SLC35B1: variants seen among roughly 807,000 people sequenced by gnomAD.
SLC35B1 encodes the protein solute carrier family 35 member B1.
A neutral mutation model predicts 36.6 loss-of-function variants in SLC35B1; 27 were observed. That is an observed-to-expected ratio of 0.74 (90% confidence interval 0.54 to 1.02). The LOEUF (loss-of-function observed/expected upper bound fraction) is 1.02, where lower values mean the gene tolerates loss of function less well. Among genes scored for constraint, SLC35B1 ranks in the 50% least tolerant of loss-of-function variants. The pLI is 0.00. For synonymous variants in SLC35B1, 162 were observed against 152.5 expected, an observed-to-expected ratio of 1.06 and a Z score of -0.46; for missense variants, 321 against 383.2, an observed-to-expected ratio of 0.84 and a Z score of 1.35.
Position 49,702,996 on chromosome 17 carries a change from T to A in SLC35B1, c.778A>T (p.Thr260Ser), listed in dbSNP as rs764584367. 10 of 1,613,826 alleles carry A rather than the reference T, an allele frequency of 6.2e-6. No individual in the cohort carries two copies. In the Admixed American group the frequency reaches 1.7e-4, roughly 27 times the overall value. The change falls in exon 8 of 9, where the codon ACG becomes TCG. Residue 260 changes from threonine to serine, a missense_variant. Coordinates refer to ENST00000240333, the MANE Select transcript of SLC35B1 (RefSeq NM_005827.4). ...SALGQSFIFMTVVYFGPLTCS... is the reference protein window; with the variant it reads ...SALGQSFIFMSVVYFGPLTCS... ...GTCAGGGGACCAAAATACACAACCG[T>A]CATAAAGATGAAGCTCTAGAGAAAG...
chr17:49,702,433 T>A (rs1021976653), intron 8 of SLC35B1: 1 of 157,502 alleles, frequency 6.3e-6, no homozygotes, highest in Admixed American at 6.1e-5. Flanking sequence ...TTTTCTCTTT[T>A]AAAAAAGTTT....
intron 1 of SLC35B1, 114 bp downstream of exon 1, chr17:49,707,616 A>G (rs552203663): frequency 6.9e-7 from 1 of 1,454,750 alleles, no homozygotes; most frequent in African/African-American, 1.4e-5. Flanking sequence ...GGGTGCTAAG[A>G]GGGCGACAGC....
At chr17:49,707,430 G>C (rs2143667735) in intron 1 of SLC35B1, 2 of 1,452,658 alleles carry the variant, frequency 1.4e-6, no homozygotes, top group South Asian at 1.2e-5. Context: ...TACCAAAAGG[G>C]GGCCGACTCG....
chr17:49,706,325 A>C lies in SLC35B1; in HGVS notation c.218T>G (p.Phe73Cys). 6.5e-7 allele frequency: 1 copy of C among 1,538,916 alleles called. No individual in the cohort carries two copies. The highest frequency in any genetic ancestry group is 8.7e-7 in the Non-Finnish European group (1 of 1,150,442). Residue 73 changes from phenylalanine (F) to cysteine (C), a missense_variant, in exon 3 of 9, where the codon TTT becomes TGT. By Grantham distance (205) the Phe-to-Cys change is radical. Transcript: ENST00000240333. ...ACGATCCACCCTGGCAGTGTCAAAA[A>C]ACTGGATCACTGGGAGAAGACAAAA... ...NAVFAKILIQ[F>C]FDTARVDRTR...
Position 49,706,346 on chromosome 17 carries a change from C to CAAAAAAAAAAAAAAAAAAACAAAAA in SLC35B1, c.209-13_209-12insTTTTTGTTTTTTTTTTTTTTTTTTT. On this transcript the variant is annotated splice_polypyrimidine_tract_variant and intron_variant, in intron 2 of 8. Transcript: ENST00000240333. ...AAAAAACTGGATCACTGGGAGAAGACAAAAAAAAAAAAAAAAAAAGAAAAG... is the reference window on the plus strand; with the variant it reads ...AAAAAACTGGATCACTGGGAGAAGACAAAAAAAAAAAAAAAAAAACAAAAAAAAAAAAAAAAAAAAAAAAGAAAAG... 1 of 732,216 alleles carries CAAAAAAAAAAAAAAAAAAACAAAAA rather than the reference C, an allele frequency of 1.4e-6. No individual in the cohort carries two copies. The highest frequency in any genetic ancestry group is 5.8e-5 in the East Asian group (1 of 17,150). The allele number at this position is 732,216 out of a possible 1,614,324, so 45.4% of individuals were successfully genotyped here.
chr17:49,705,951 T>A, intron 3 of SLC35B1, 55 bp from the exon 4 acceptor site: 1 of 1,544,386 alleles, frequency 6.5e-7, no homozygotes, highest in Non-Finnish European at 9.0e-7. Flanking sequence ...TCAGGTACTA[T>A]GCTAGGTACC....
At position 49,701,954 on chromosome 17, in the gene SLC35B1, A is replaced by G. The variant is rs1179841195; in HGVS notation, c.917-444T>C. On this transcript the variant is annotated intron_variant, in intron 8 of 8. Transcript: ENST00000240333. The stretch of plus-strand genomic sequence containing the variant: ...AAAAAAAAAAAAAAATTGGTCAGGT[A>G]TTGTGGTACATGCCTATAATCGCAA... 2.9e-5 allele frequency: 11 copies of G among 381,448 alleles called. No homozygotes were observed. The Admixed American group carries it at 3.2e-4, about 11-fold the overall frequency. 23.6% of individuals were successfully genotyped at this position (381,448 alleles called of 1,614,324 possible). A position where few individuals can be genotyped will look rare whatever the true frequency, so the allele number is the denominator to read the frequency against.
rs778161206 is a variant in SLC35B1 at position 49,705,190 on chromosome 17, G to T, written c.462C>A (p.Phe154Leu). Residue 154 changes from phenylalanine to leucine, a missense_variant, in exon 5 of 9, where the codon TTC becomes TTA. Coordinates refer to ENST00000240333, the MANE Select transcript of SLC35B1 (RefSeq NM_005827.4). Reference protein sequence around the residue: ...VLLIVAGVALFMYKPKKVVGI... With the variant: ...VLLIVAGVALLMYKPKKVVGI... ...CAACAACTTTCTTGGGTTTGTACAT[G>T]AAAAGGGCCACTCCAGCCACAATTA... 7 of 1,614,164 alleles carry T rather than the reference G, an allele frequency of 4.3e-6. No homozygotes were observed. Among genetic ancestry groups the T allele is most frequent in the Non-Finnish European group, 5.9e-6 (7 of 1,180,020 alleles).
chr17:49,706,213 G>A lies in SLC35B1; in HGVS notation c.330C>T (p.Tyr110=), dbSNP rs2073414358. The A allele has an allele frequency of 1.2e-6, 2 of 1,602,266 alleles. No individual in the cohort carries two copies. Among genetic ancestry groups the A allele is most frequent in the Admixed American group, 1.8e-5 (1 of 56,714 alleles). Residue 110 remains tyrosine, a synonymous_variant, in exon 3 of 9, where the codon TAC becomes TAT. Transcript: ENST00000240333. ...CACCCTGAGGTTTCACCTGAGTTGGGTAGTTGACAAACTGTAGTGCTGAAT... is the reference window on the plus strand; with the variant it reads ...CACCCTGAGGTTTCACCTGAGTTGGATAGTTGACAAACTGTAGTGCTGAAT... ...SSNSALQFVN[Y]PTQVLGKSCK... is the part of the protein sequence containing the mutation.
intron 3 of SLC35B1, 65 bp from the exon 4 acceptor site, chr17:49,705,961 C>G (rs371929282): frequency 1.9e-5 from 29 of 1,531,730 alleles, no homozygotes; most frequent in Non-Finnish European, 2.2e-5. Flanking sequence ...TGCTAGGTAC[C>G]GCACTGATTA....
chr17:49,702,549 A>C (rs2073364168), intron 8 of SLC35B1: 1 of 229,658 alleles, frequency 4.4e-6, no homozygotes. Flanking sequence ...CCTGACCAAC[A>C]CGGAGAAACC....
chr17:49,706,072 T>C lies in SLC35B1; in HGVS notation c.339+132A>G, dbSNP rs1227860930. ...ACTAAACGTAAGTTCTATGGTTCTA[T>C]ACACTCCCAATGTCTTACAGGACCG... On this transcript the variant is annotated intron_variant, in intron 3 of 8. Transcript: ENST00000240333. 6.7e-6 allele frequency: 9 copies of C among 1,340,996 alleles called. No individual in the cohort carries two copies. The East Asian group carries it at 9.3e-5, about 14-fold the overall frequency. 83.1% of individuals were successfully genotyped at this position (1,340,996 alleles called of 1,614,324 possible).
rs1330564671 is a variant in SLC35B1 at position 49,707,131 on chromosome 17, T to C, written c.105-63A>G. On this transcript the variant is annotated intron_variant, in intron 1 of 8. Coordinates refer to ENST00000240333, the MANE Select transcript of SLC35B1 (RefSeq NM_005827.4). ...GTGTATTTCACTCACTGTCATCTAA[T>C]ATATCCCGAGCCACTGAAAACTTTA... 6 of 1,455,294 alleles carry C rather than the reference T, an allele frequency of 4.1e-6. No homozygotes were observed. The African/African-American group carries it at 8.4e-5, about 20-fold the overall frequency. 90.1% of individuals were successfully genotyped at this position (1,455,294 alleles called of 1,614,324 possible). A position where few individuals can be genotyped will look rare whatever the true frequency, so the allele number is the denominator to read the frequency against.
At chr17:49,704,372 G>A (rs1567819695) in intron 5 of SLC35B1, 146 bp from the exon 6 acceptor site, 4 of 1,003,294 alleles carry the variant, frequency 4.0e-6, no homozygotes, top group Non-Finnish European at 5.8e-6. Flanking sequence ...GGTCACAGGT[G>A]GAAGGTGGGG....
intron 1 of SLC35B1, chr17:49,707,520 G>GA: frequency 6.7e-7 from 1 of 1,493,412 alleles, no homozygotes; most frequent in East Asian, 2.5e-5. Flanking sequence ...GCTAAGAAAA[G>GA]AAAATAACCA....
chr17:49,703,865 T>G (rs1459923317), intron 6 of SLC35B1: 1 of 486,716 alleles, frequency 2.1e-6, no homozygotes, highest in Non-Finnish European at 3.8e-6. Flanking sequence ...TACTACTGAG[T>G]GTCTTCCCAT....
intron 3 of SLC35B1, 82 bp from the exon 4 acceptor site, chr17:49,705,978 G>A: frequency 7.0e-7 from 1 of 1,438,054 alleles, no homozygotes; most frequent in South Asian, 1.2e-5. Flanking sequence ...ATTAAGATGA[G>A]TAAGCACAGG....
rs1244295849 is a variant in SLC35B1 at position 49,706,139 on chromosome 17, G to A, written c.339+65C>T. On this transcript the variant is annotated intron_variant, in intron 3 of 8. Transcript: ENST00000240333. Reference sequence around the variant, plus strand: ...TTTTTTTTTAACTCACAGACCTGAGGGAAGAACTCTTAGTCCTTTTCAAAT... The same window carrying A: ...TTTTTTTTTAACTCACAGACCTGAGAGAAGAACTCTTAGTCCTTTTCAAAT... The A allele has an allele frequency of 5.4e-6, 8 of 1,481,948 alleles. No individual in the cohort carries two copies. In the African/African-American group the frequency reaches 1.0e-4, roughly 19 times the overall value. 91.8% of individuals were successfully genotyped at this position (1,481,948 alleles called of 1,614,324 possible). A position where few individuals can be genotyped will look rare whatever the true frequency, so the allele number is the denominator to read the frequency against.
chr17:49,706,899 A>C (rs2073425728), intron 2 of SLC35B1, 66 bp downstream of exon 2: 2 of 1,125,178 alleles, frequency 1.8e-6, no homozygotes, highest in Non-Finnish European at 2.7e-6. Flanking sequence ...TCAATGCTTA[A>C]TGCCCAGCAT....
Sources: allele counts gnomAD v4.1 joint callset, GRCh38; gene constraint gnomAD v4.1.1; transcripts MANE v1.5; gene names NCBI Gene and HGNC (gene_info 2026-07-23, HGNC 2026-07-21).